Variants in NRG3 observed in about 807,000 individuals in gnomAD.
The protein encoded by NRG3 is pro-neuregulin-3, membrane-bound isoform.
A neutral mutation model predicts 66.9 loss-of-function variants in NRG3; 31 were observed. The observed-to-expected ratio is 0.46, with a 90% confidence interval of 0.35 to 0.63. The LOEUF is 0.63. Among genes scored for constraint, NRG3 ranks in the 20% least tolerant of loss-of-function variants. NRG3 has a pLI of 0.00. For synonymous variants in NRG3, 393 were observed against 359.4 expected (o/e 1.09, Z -1.06); for missense variants, 910 against 878.9 (o/e 1.04, Z -0.45).
chr10:82,536,534 G>A (rs551245245), intron 2 of NRG3, among the ~76,000 whole-genome samples: 8 of 152,126 alleles, frequency 5.3e-5, no homozygotes, highest in African/African-American at 1.7e-4. Flanking sequence ...TGAAGGTTAT[G>A]GTAATTTTTT....
At chr10:82,726,412 T>C (rs1175033618) in intron 2 of NRG3, among the ~76,000 whole-genome samples, 1 of 152,122 alleles carries the variant, frequency 6.6e-6, no homozygotes, top group African/African-American at 2.4e-5. Flanking sequence ...AATTGAATCA[T>C]GGGGGCGAGT....
intron 1 of NRG3, among the ~76,000 whole-genome samples, chr10:82,327,889 C>G (rs983666656): frequency 6.6e-6 from 1 of 152,192 alleles, no homozygotes; most frequent in Non-Finnish European, 1.5e-5. Context: ...CTGCTTCTCT[C>G]TGAGTCCTCT....
intron 1 of NRG3, among the ~76,000 whole-genome samples, chr10:82,341,229 A>T (rs2082672681): frequency 6.6e-6 from 1 of 152,100 alleles, no homozygotes; most frequent in South Asian, 2.1e-4. Flanking sequence ...GCTCTTATTT[A>T]CTTATTCTGG....
At chr10:82,105,341 A>G (rs2066990763) in intron 1 of NRG3, among the ~76,000 whole-genome samples, 1 of 152,140 alleles carries the variant, frequency 6.6e-6, no homozygotes, top group African/African-American at 2.4e-5. Flanking sequence ...TAAGCTCTCA[A>G]TTAACTGAAT....
chr10:82,253,217 C>T (rs539182236), intron 1 of NRG3, among the ~76,000 whole-genome samples: 5 of 152,238 alleles, frequency 3.3e-5, no homozygotes, highest in Admixed American at 2.0e-4. Flanking sequence ...ATTCTCTGAC[C>T]TCACGAAACT....
chr10:82,323,936 C>T (rs1057063456), intron 1 of NRG3, among the ~76,000 whole-genome samples: 4 of 152,154 alleles, frequency 2.6e-5, no homozygotes, highest in African/African-American at 4.8e-5. Context: ...GCGATCTCGG[C>T]TCACTGCAAC....
chr10:82,243,729 A>G (rs1177001411), intron 1 of NRG3, among the ~76,000 whole-genome samples: 2 of 152,222 alleles, frequency 1.3e-5, no homozygotes, highest in Non-Finnish European at 2.9e-5. Flanking sequence ...AAAGAAACAT[A>G]GATCTTGACT....
chr10:82,865,571 T>G (rs927904018), intron 4 of NRG3, 134 bp downstream of exon 4: 1 of 826,804 alleles, frequency 1.2e-6, no homozygotes, highest in African/African-American at 1.7e-5. Context: ...AAAAATACTC[T>G]TGTCGAGTTT....
chr10:82,724,220 A>ATT (rs200359347), intron 2 of NRG3, among the ~76,000 whole-genome samples: 25 of 145,122 alleles, frequency 1.7e-4, no homozygotes, highest in African/African-American at 4.7e-4. Flanking sequence ...GGCCTATGCT[A>ATT]CTTTTTTTTT....
chr10:82,794,965 T>G (rs544787498), intron 3 of NRG3, among the ~76,000 whole-genome samples: 1 of 152,322 alleles, frequency 6.6e-6, no homozygotes, highest in East Asian at 1.9e-4. Context: ...TTCACATTTC[T>G]TCAGTCAAAT....
intron 1 of NRG3, chr10:81,889,179 A>T (rs1020744668): frequency 6.6e-6 from 1 of 152,182 alleles, no homozygotes; most frequent in African/African-American, 2.4e-5. Flanking sequence ...TTAACCTCTT[A>T]CTGTCTTTAG....
rs558090765 is a variant in NRG3 at position 82,296,366 on chromosome 10, G to A, written c.824-62373G>A. On this transcript the variant is annotated intron_variant, in intron 1 of 8. Coordinates refer to ENST00000372141, the MANE Select transcript of NRG3 (RefSeq NM_001010848.4). ...TGACAAACCATCCTTCCTTGCATGCGGAGACTGGCTGCCTTGGTGGATGCA... is the reference window on the plus strand; with the variant it reads ...TGACAAACCATCCTTCCTTGCATGCAGAGACTGGCTGCCTTGGTGGATGCA... Among the ~76,000 whole-genome samples, 30 of 152,266 alleles carry A rather than the reference G, an allele frequency of 2.0e-4. 1 individual carries two copies. In the South Asian group the frequency reaches 3.5e-3, roughly 18 times the overall value.
chr10:82,438,681 T>G (rs1486706152), intron 2 of NRG3, among the ~76,000 whole-genome samples: 1 of 152,166 alleles, frequency 6.6e-6, no homozygotes, highest in Non-Finnish European at 1.5e-5. Context: ...ATGAGTGGGA[T>G]CTTCCCTTCC....
intron 4 of NRG3, among the ~76,000 whole-genome samples, chr10:82,887,890 G>C (rs1033582912): frequency 2.0e-5 from 3 of 152,342 alleles, no homozygotes; most frequent in South Asian, 2.1e-4. Flanking sequence ...ATTTGTGGTA[G>C]AGACAGAAGT....
chr10:82,232,823 A>G (rs745768978), intron 1 of NRG3: 1 of 717,372 alleles, frequency 1.4e-6, no homozygotes. Flanking sequence ...GAGCAAGGTA[A>G]GTTGTAAGGC....
intron 3 of NRG3, among the ~76,000 whole-genome samples, chr10:82,748,150 T>C (rs2058718778): frequency 6.6e-6 from 1 of 151,826 alleles, no homozygotes; most frequent in East Asian, 1.9e-4. Flanking sequence ...TTTAAGAGAA[T>C]TGTAGTTTAC....
chr10:82,600,704 G>C (rs620990), intron 2 of NRG3, among the ~76,000 whole-genome samples: 1 of 151,992 alleles, frequency 6.6e-6, no homozygotes, highest in Non-Finnish European at 1.5e-5. Context: ...TCCTGACCTC[G>C]TGATCCTTTC....
intron 1 of NRG3, among the ~76,000 whole-genome samples, chr10:82,019,774 G>A (rs1240014292): frequency 3.3e-5 from 5 of 152,078 alleles, no homozygotes; most frequent in African/African-American, 7.2e-5. Context: ...CTGTGGGATC[G>A]GTGGTGATAT....
Position 82,006,409 on chromosome 10 carries a change from T to C in NRG3, c.823+130246T>C, listed in dbSNP as rs144379932. 8.2e-3 allele frequency among the ~76,000 whole-genome samples: 1,249 copies of C among 152,250 alleles called. 16 individuals are homozygous for C. Among genetic ancestry groups the C allele is most frequent in the African/African-American group, 0.028 (1,185 of 41,582 alleles). ...ATCTTCTTCCAACCTGTGGCTTTCT[T>C]TTTACTTTGCTTATAATGTATTTTA... is the stretch of plus-strand genomic sequence containing the variant. On this transcript the variant is annotated intron_variant, in intron 1 of 8. Transcript: ENST00000372141.
Sources: gnomAD v4.1 joint callset for allele counts (sites outside exome capture counted in the v4.1 genomes callset) on GRCh38, gnomAD v4.1.1 for gene constraint, MANE v1.5 for transcripts, NCBI Gene and HGNC (gene_info 2026-07-23, HGNC 2026-07-21) for gene names.